Variants in GRIA2 observed in about 807,000 individuals in gnomAD.
GRIA2 encodes glutamate ionotropic receptor AMPA type subunit 2, also known as glutamate receptor 2.
In GRIA2, 14 loss-of-function variants were observed where a neutral mutation model predicts 97.3. The ratio of observed to expected loss-of-function variants is 0.14; its 90% CI spans 0.10 to 0.23. The LOEUF is 0.23. GRIA2 is among the 10% of genes least tolerant of loss of function. GRIA2 has a pLI of 1.00. For synonymous variants in GRIA2, 412 were observed against 387.8 expected (o/e 1.06, Z -0.73); for missense variants, 558 against 1,069.8 (o/e 0.52, Z 6.67).
chr4:157,287,403 T>A (rs893898252), intron 2 of GRIA2, among the ~76,000 whole-genome samples: 1 of 151,528 alleles, frequency 6.6e-6, no homozygotes, highest in Non-Finnish European at 1.5e-5. Context: ...TGTGTGGGAG[T>A]GTGTGTGAAT....
At chr4:157,326,997 G>T (rs933137329) in intron 6 of GRIA2, among the ~76,000 whole-genome samples, 1 of 152,126 alleles carries the variant, frequency 6.6e-6, no homozygotes, top group Non-Finnish European at 1.5e-5. Context: ...CTTAATTGTG[G>T]TTGTGGCATG....
chr4:157,265,539 A>G (rs986890419), intron 2 of GRIA2, among the ~76,000 whole-genome samples: 7 of 152,130 alleles, frequency 4.6e-5, no homozygotes, highest in Non-Finnish European at 8.8e-5. Context: ...ACATGCTGCC[A>G]GTCTTTTTAA....
chr4:157,326,883 G>A (rs993423794), intron 6 of GRIA2, among the ~76,000 whole-genome samples: 1 of 152,084 alleles, frequency 6.6e-6, no homozygotes, highest in South Asian at 2.1e-4. Flanking sequence ...TTTGATACAG[G>A]AAGATTACTA....
chr4:157,242,033 C>G (rs1730533600), intron 2 of GRIA2, among the ~76,000 whole-genome samples: 1 of 152,072 alleles, frequency 6.6e-6, no homozygotes, highest in Non-Finnish European at 1.5e-5. Flanking sequence ...TTACAAGAGT[C>G]TGTAAAACCT....
At position 157,365,916 on chromosome 4, in the gene GRIA2, T is replaced by G. The variant is rs1736866010; in HGVS notation, c.*2485T>G. Reference sequence around the variant, plus strand: ...GTCAAACTCCAAGAAGACATACACTTTCTATAACTTCTATTGAAGATATTG... The same window carrying G: ...GTCAAACTCCAAGAAGACATACACTGTCTATAACTTCTATTGAAGATATTG... On this transcript the variant is annotated 3_prime_UTR_variant, in exon 16 of 16. Transcript: ENST00000264426. The G allele has an allele frequency of 6.6e-6, 1 of 151,730 alleles. No homozygotes were observed. The highest frequency in any genetic ancestry group is 6.6e-5 in the Admixed American group (1 of 15,158). 9.4% of individuals were successfully genotyped at this position (151,730 alleles called of 1,614,324 possible). A position where few individuals can be genotyped will look rare whatever the true frequency, so the allele number is the denominator to read the frequency against.
At chr4:157,283,526 AGC>A (rs1732702539) in intron 2 of GRIA2, among the ~76,000 whole-genome samples, 1 of 152,036 alleles carries the variant, frequency 6.6e-6, no homozygotes, top group African/African-American at 2.4e-5. Flanking sequence ...ACCCTTAATG[AGC>A]AAAAACAATT....
intron 12 of GRIA2, chr4:157,342,247 T>C: frequency 1.0e-6 from 1 of 983,722 alleles, no homozygotes; most frequent in Non-Finnish European, 1.2e-6. Flanking sequence ...TTCAGTGAAA[T>C]CTAGTCCAGC....
At chr4:157,256,208 ATGTT>A (rs1561013141) in intron 2 of GRIA2, among the ~76,000 whole-genome samples, 4 of 124,086 alleles carry the variant, frequency 3.2e-5, no homozygotes, top group African/African-American at 9.8e-5. Flanking sequence ...TTACATATAT[ATGTT>A]ATATATAATA....
chr4:157,306,678 G>A (rs1306322409), intron 3 of GRIA2, among the ~76,000 whole-genome samples: 1 of 152,008 alleles, frequency 6.6e-6, no homozygotes, highest in Non-Finnish European at 1.5e-5. Flanking sequence ...CTTGACCTTT[G>A]TGTAATATTT....
chr4:157,344,452 A>G (rs1735682894), intron 12 of GRIA2, among the ~76,000 whole-genome samples: 1 of 152,076 alleles, frequency 6.6e-6, no homozygotes, highest in African/African-American at 2.4e-5. Flanking sequence ...GGAAAGGGTT[A>G]TGGGTGAAGT....
At position 157,232,832 on chromosome 4, in the gene GRIA2, G is replaced by A. The variant is rs543441999; in HGVS notation, c.229+11025G>A. ...TGGGATACAGAATAGCATGGGTTAAGCATCTGCACTTAGAACCAAATTCTA... is the reference window on the plus strand; with the variant it reads ...TGGGATACAGAATAGCATGGGTTAAACATCTGCACTTAGAACCAAATTCTA... On this transcript the variant is annotated intron_variant, in intron 2 of 15. Transcript: ENST00000264426. Among the ~76,000 whole-genome samples the A allele has an allele frequency of 5.3e-5, 8 of 152,242 alleles. No individual in the cohort carries two copies. The South Asian group carries it at 1.7e-3, about 32-fold the overall frequency.
intron 2 of GRIA2, among the ~76,000 whole-genome samples, chr4:157,252,754 T>G (rs1238886222): frequency 6.6e-6 from 1 of 152,112 alleles, no homozygotes; most frequent in Non-Finnish European, 1.5e-5. Context: ...TTTATTTATA[T>G]GGGTTTAGAA....
chr4:157,300,316 G>A (rs1004262253), intron 2 of GRIA2, among the ~76,000 whole-genome samples: 2 of 152,228 alleles, frequency 1.3e-5, no homozygotes, highest in South Asian at 2.1e-4. Context: ...ATTTAAATAC[G>A]AACAGTCTTG....
intron 4 of GRIA2, among the ~76,000 whole-genome samples, chr4:157,317,293 CA>C (rs1412910815): frequency 1.3e-5 from 2 of 151,946 alleles, no homozygotes; most frequent in Non-Finnish European, 2.9e-5. Flanking sequence ...ATTAAAAAGA[CA>C]AAAACATAGC....
Position 157,254,248 on chromosome 4 carries a change from G to C in GRIA2, c.229+32441G>C, listed in dbSNP as rs376573702. ...AAATAACATAAGCTCTCTATTTTCT[G>C]TGTGTACTATAAGAACGTATAGAAG... On this transcript the variant is annotated intron_variant, in intron 2 of 15. Coordinates refer to ENST00000264426, the MANE Select transcript of GRIA2 (RefSeq NM_001083619.3). 2.7e-4 allele frequency among the ~76,000 whole-genome samples: 41 copies of C among 152,098 alleles called. 1 individual carries two copies. The East Asian group carries it at 7.4e-3, about 27-fold the overall frequency.
chr4:157,255,747 T>C (rs1285771207), intron 2 of GRIA2, among the ~76,000 whole-genome samples: 1 of 151,812 alleles, frequency 6.6e-6, no homozygotes, highest in East Asian at 1.9e-4. Flanking sequence ...TGTGATATCT[T>C]GAATTTACAA....
At chr4:157,242,771 C>T (rs932791506) in intron 2 of GRIA2, among the ~76,000 whole-genome samples, 6 of 152,042 alleles carry the variant, frequency 3.9e-5, no homozygotes, top group Non-Finnish European at 8.8e-5. Context: ...TTTATGTTTA[C>T]AAACATCTTA....
At chr4:157,356,599 A>G (rs1301000974) in intron 12 of GRIA2, among the ~76,000 whole-genome samples, 1 of 151,940 alleles carries the variant, frequency 6.6e-6, no homozygotes, top group African/African-American at 2.4e-5. Context: ...TTTGTCTTTG[A>G]TTTGCATTTT....
At chr4:157,311,503 G>T (rs959574584) in intron 3 of GRIA2, among the ~76,000 whole-genome samples, 1 of 151,862 alleles carries the variant, frequency 6.6e-6, no homozygotes, top group Non-Finnish European at 1.5e-5. Context: ...ATTTTTAATG[G>T]TGGTTTTTCT....
Sources: allele counts gnomAD v4.1 joint callset (sites outside exome capture counted in the v4.1 genomes callset), GRCh38; gene constraint gnomAD v4.1.1; transcripts MANE v1.5; gene names NCBI Gene and HGNC (gene_info 2026-07-23, HGNC 2026-07-21).